The following COL8A1 variants were observed in gnomAD, a reference collection of about 807,000 sequenced individuals.
The protein encoded by COL8A1 is collagen type VIII alpha 1 chain, also known as collagen alpha-1(VIII) chain.
In COL8A1, 21 loss-of-function variants were observed where a neutral mutation model predicts 42.7. The observed-to-expected ratio is 0.49, with a 90% CI of 0.35 to 0.71. The LOEUF (loss-of-function observed/expected upper bound fraction) is 0.71, where lower values mean the gene tolerates loss of function less well. Ranked by LOEUF, COL8A1 falls within the 30% of genes least tolerant of loss-of-function variation. The pLI, the probability that COL8A1 is intolerant of heterozygous loss-of-function variation, is 0.01. For synonymous variants in COL8A1, 367 were observed against 369.1 expected, an observed-to-expected ratio of 0.99 and a Z score of 0.06; for missense variants, 788 against 962.4, an observed-to-expected ratio of 0.82 and a Z score of 2.40.
chr3:99,687,551 A>G (rs550837566), intron 1 of COL8A1, among the ~76,000 whole-genome samples: 1 of 152,282 alleles, frequency 6.6e-6, no homozygotes, highest in East Asian at 1.9e-4. Context: ...GGATGTGCAC[A>G]CCAGAGCACC....
intron 2 of COL8A1, among the ~76,000 whole-genome samples, chr3:99,767,856 T>G (rs1325041996): frequency 6.6e-6 from 1 of 152,204 alleles, no homozygotes; most frequent in African/African-American, 2.4e-5. Context: ...AAAGTCATAT[T>G]TTTCAGAATG....
Position 99,794,329 on chromosome 3 carries a change from C to A in COL8A1, c.428C>A (p.Pro143His). The A allele has an allele frequency of 6.2e-7, 1 of 1,613,756 alleles. No homozygotes were observed. The highest frequency in any genetic ancestry group is 8.5e-7 in the Non-Finnish European group (1 of 1,179,904). The change falls in exon 4 of 4, where the codon CCT becomes CAT. Residue 143 changes from proline to histidine, a missense_variant. Around this residue, in one of 4 missense-constraint regions of COL8A1, gnomAD observed 421 missense variants for 553.1 expected, o/e 0.76. Transcript: ENST00000652472. The surrounding 1 kb of genome is among the most constrained non-coding windows in gnomAD (Gnocchi z 4.3). ...GPPGLPGHGI[P>H]GIKGKPGPQG... ...CCTGGTTTGCCAGGTCATGGGATAC[C>A]TGGAATTAAAGGAAAACCAGGGCCA...
chr3:99,705,493 C>T (rs949702708), intron 1 of COL8A1, among the ~76,000 whole-genome samples: 1 of 152,206 alleles, frequency 6.6e-6, no homozygotes, highest in African/African-American at 2.4e-5. Flanking sequence ...GAAGAAGGGA[C>T]AGCAGACCCC....
chr3:99,762,280 T>TGTA lies in COL8A1; in HGVS notation c.-4+17260_-4+17262dup, dbSNP rs373689194. 4.5e-3 allele frequency among the ~76,000 whole-genome samples: 685 copies of TGTA among 152,284 alleles called. 8 individuals carry two copies. The highest frequency in any genetic ancestry group is 0.016 in the African/African-American group (664 of 41,552). On this transcript the variant is annotated intron_variant, in intron 2 of 3. Transcript: ENST00000652472. ...ACATTTTAGTGTGGGCTTTTTAATG[T>TGTA]GTATCTATGTTAATCAGGCCCACTC...
At position 99,795,682 on chromosome 3, in the gene COL8A1, G is replaced by A. The variant is rs1451135002; in HGVS notation, c.1781G>A (p.Gly594Asp). Residue 594 changes from glycine (G) to aspartate (D), a missense_variant, in exon 4 of 4, where the codon GGC (glycine) becomes GAC (aspartate). This residue lies in a region of COL8A1 where 212 missense variants were observed against 210.9 expected (regional missense o/e 1.00). Coordinates refer to ENST00000652472, the MANE Select transcript of COL8A1 (RefSeq NM_020351.4). ...CCAGATATGGGGCTGGGAATTGATG[G>A]CGTGAAACCCCCCCATGCCTACGGG... is the stretch of plus-strand genomic sequence containing the variant. ...YLPDMGLGID[G>D]VKPPHAYGAK... The A allele has an allele frequency of 1.2e-6, 2 of 1,613,966 alleles. No homozygotes were observed. Among genetic ancestry groups the A allele is most frequent in the African/African-American group, 1.3e-5 (1 of 74,894 alleles).
intron 1 of COL8A1, among the ~76,000 whole-genome samples, chr3:99,692,902 T>C (rs1464586647): frequency 6.6e-6 from 1 of 152,272 alleles, no homozygotes; most frequent in South Asian, 2.1e-4. Context: ...CTCACGCCTG[T>C]AATCCCAACA....
intron 1 of COL8A1, among the ~76,000 whole-genome samples, chr3:99,721,414 G>GGGGAAA (rs1194374592): frequency 2.7e-5 from 3 of 111,714 alleles, no homozygotes; most frequent in South Asian, 3.1e-4. Context: ...AAAGGGGAAA[G>GGGGAAA]GGGAAAGGGA....
chr3:99,653,102 A>T (rs992197857), intron 1 of COL8A1, among the ~76,000 whole-genome samples: 1 of 152,242 alleles, frequency 6.6e-6, no homozygotes, highest in African/African-American at 2.4e-5. Context: ...GATAACATGT[A>T]AGAAAGTGTC....
chr3:99,683,435 C>A (rs1050221099), intron 1 of COL8A1, among the ~76,000 whole-genome samples: 1 of 152,028 alleles, frequency 6.6e-6, no homozygotes, highest in African/African-American at 2.4e-5. Flanking sequence ...CAAACTAAGA[C>A]GTATTTCATT....
At chr3:99,745,996 T>A (rs940082159) in intron 2 of COL8A1, among the ~76,000 whole-genome samples, 4 of 152,192 alleles carry the variant, frequency 2.6e-5, no homozygotes, top group Non-Finnish European at 5.9e-5. Flanking sequence ...GTTTTTATAG[T>A]CTATTTAATT....
intron 2 of COL8A1, among the ~76,000 whole-genome samples, chr3:99,780,791 G>A (rs187674243): frequency 1.1e-3 from 163 of 152,156 alleles, no homozygotes; most frequent in African/African-American, 3.7e-3. Flanking sequence ...TTTGAAAAAT[G>A]TTCAGTGGAT....
At chr3:99,657,194 C>T (rs1006804251) in intron 1 of COL8A1, among the ~76,000 whole-genome samples, 2 of 152,134 alleles carry the variant, frequency 1.3e-5, no homozygotes, top group African/African-American at 4.8e-5. Flanking sequence ...AAGGCATTTC[C>T]TACAGTAAAA....
At chr3:99,727,073 T>G (rs1049553409) in intron 1 of COL8A1, among the ~76,000 whole-genome samples, 3 of 152,200 alleles carry the variant, frequency 2.0e-5, no homozygotes, top group African/African-American at 7.2e-5. Flanking sequence ...TTTCTTTGTA[T>G]CCTCTTTTAT....
intron 1 of COL8A1, among the ~76,000 whole-genome samples, chr3:99,713,857 C>T (rs1343073210): frequency 6.6e-6 from 1 of 152,074 alleles, no homozygotes; most frequent in Non-Finnish European, 1.5e-5. Context: ...GAGGAGCCAA[C>T]TTGCCCCAGG....
At chr3:99,756,402 G>C (rs753779193) in intron 2 of COL8A1, among the ~76,000 whole-genome samples, 6 of 152,030 alleles carry the variant, frequency 3.9e-5, no homozygotes, top group Non-Finnish European at 8.8e-5. Flanking sequence ...CCAGACCATG[G>C]TCCTGATATG....
chr3:99,766,022 T>C (rs1441123204), intron 2 of COL8A1, among the ~76,000 whole-genome samples: 3 of 152,188 alleles, frequency 2.0e-5, no homozygotes, highest in South Asian at 2.1e-4. Flanking sequence ...GACAATTTTG[T>C]TCATAGATAT....
rs1030068137 is a variant in COL8A1, at chr3:99,725,246, G to C, written c.-128-19651G>C. Among the ~76,000 whole-genome samples, 10 of 152,068 alleles carry C rather than the reference G, an allele frequency of 6.6e-5. No individual in the cohort carries two copies. In the East Asian group the frequency reaches 1.7e-3, roughly 27 times the overall value. On this transcript the variant is annotated intron_variant, in intron 1 of 3. Transcript: ENST00000652472. ...ATTCTCACCGAACTCTCCCTGGACA[G>C]CAGGACATTGCTGAGTTCACCCACT...
intron 2 of COL8A1, among the ~76,000 whole-genome samples, chr3:99,779,203 C>G (rs1237985333): frequency 6.6e-6 from 1 of 152,028 alleles, no homozygotes; most frequent in East Asian, 1.9e-4. Flanking sequence ...TTTTTTCATA[C>G]ACAAAATTAT....
chr3:99,767,067 A>C (rs1435966856), intron 2 of COL8A1, among the ~76,000 whole-genome samples: 1 of 152,206 alleles, frequency 6.6e-6, no homozygotes, highest in Non-Finnish European at 1.5e-5. Context: ...ATTCTACCTT[A>C]ACAATAATAA....
Sources: allele counts gnomAD v4.1 joint callset (sites outside exome capture counted in the v4.1 genomes callset), GRCh38; gene constraint gnomAD v4.1.1; regional missense constraint gnomAD v4.1.1; non-coding constraint Gnocchi (gnomAD v3.1); transcripts MANE v1.5; gene names NCBI Gene and HGNC (gene_info 2026-07-23, HGNC 2026-07-21).